ETV5: variants seen among roughly 807,000 people sequenced by gnomAD.
ETV5 encodes the protein ETS translocation variant 5.
In ETV5, 10 loss-of-function variants were observed where a neutral mutation model predicts 70.0. The observed-to-expected ratio is 0.14, with a 90% confidence interval of 0.09 to 0.24. The LOEUF (loss-of-function observed/expected upper bound fraction) is 0.24, where lower values mean the gene tolerates loss of function less well. ETV5 is among the 10% of genes least tolerant of loss of function. The pLI is 1.00. For synonymous variants in ETV5, 216 were observed against 242.2 expected (o/e 0.89, Z 1.01); for missense variants, 453 against 651.2 (o/e 0.70, Z 3.31).
Position 186,057,051 on chromosome 3 carries a change from C to T in ETV5, c.1209+24G>A, listed in dbSNP as rs780734196. 12 of 1,600,774 alleles carry T rather than the reference C, an allele frequency of 7.5e-6. No individual in the cohort carries two copies. The highest frequency in any genetic ancestry group is 1.7e-5 in the Admixed American group (1 of 58,836). ...TCAACAACAACAAATCAAAACCCGT[C>T]TGAGTCCAGCATCCAGTGCATACCT... On this transcript the variant is annotated intron_variant, in intron 11 of 12. Coordinates refer to ENST00000306376, the MANE Select transcript of ETV5 (RefSeq NM_004454.3). The surrounding 1 kb of genome is among the most constrained non-coding windows in gnomAD (Gnocchi z 4.9).
At chr3:186,050,787 C>A (rs1027757115) in intron 12 of ETV5, among the ~76,000 whole-genome samples, 1 of 152,004 alleles carries the variant, frequency 6.6e-6, no homozygotes, top group Non-Finnish European at 1.5e-5. Context: ...GTGGTAGGAA[C>A]AAGTACTGGT....
Position 186,052,473 on chromosome 3 carries a change from G to C in ETV5, c.1210-342C>G, listed in dbSNP as rs1472013987. ...TAGACCATTAACGTGTTGCCATTAA[G>C]TGCTATGGTTTCTGTAGCAGTCAAT... On this transcript the variant is annotated intron_variant, in intron 11 of 12. Transcript: ENST00000306376. This position sits in a 1 kb window ranked among gnomAD's most constrained non-coding sequence, Gnocchi z 4.5. 1.3e-5 allele frequency among the ~76,000 whole-genome samples: 2 copies of C among 152,218 alleles called. No individual in the cohort carries two copies. Among genetic ancestry groups the C allele is most frequent in the Admixed American group, 1.3e-4 (2 of 15,284 alleles).
At chr3:186,106,562 T>C (rs1466814607) in intron 1 of ETV5, among the ~76,000 whole-genome samples, 1 of 152,218 alleles carries the variant, frequency 6.6e-6, no homozygotes, top group East Asian at 1.9e-4. Context: ...AATATCTCCC[T>C]GGTTACTTAC....
intron 7 of ETV5, among the ~76,000 whole-genome samples, chr3:186,071,519 A>C (rs761020504): frequency 1.3e-4 from 20 of 152,306 alleles, no homozygotes; most frequent in Non-Finnish European, 2.4e-4. Flanking sequence ...AAAAATAAGG[A>C]CAGCCAGGAT....
At chr3:186,074,067 C>T (rs1713711385) in intron 7 of ETV5, among the ~76,000 whole-genome samples, 1 of 150,968 alleles carries the variant, frequency 6.6e-6, no homozygotes, top group African/African-American at 2.4e-5. Context: ...ATAAGTAAGG[C>T]CAAAAGTAGA....
intron 5 of ETV5, among the ~76,000 whole-genome samples, chr3:186,101,174 A>G (rs1449161910): frequency 6.6e-6 from 1 of 152,286 alleles, no homozygotes; most frequent in Non-Finnish European, 1.5e-5. Context: ...ATACACAGTT[A>G]CATAGATATA....
intron 8 of ETV5, among the ~76,000 whole-genome samples, chr3:186,064,829 A>G (rs1217339397): frequency 2.0e-5 from 3 of 152,224 alleles, no homozygotes; most frequent in South Asian, 4.1e-4. Context: ...CCTCTTGCCC[A>G]TGCTGACTCC....
In ETV5 at chr3:186,051,122, A is replaced by G. The variant is rs541127383; in HGVS notation, c.1311+908T>C. 4.6e-5 allele frequency among the ~76,000 whole-genome samples: 7 copies of G among 152,364 alleles called. No homozygotes were observed. The East Asian group carries it at 1.3e-3, about 29-fold the overall frequency. On this transcript the variant is annotated intron_variant, in intron 12 of 12. Transcript: ENST00000306376. ...GCCTGTATGACGCACTAGCAAGTCT[A>G]GAGTTTATCCAGAAAATCACAATGA...
At chr3:186,055,980 T>G (rs1308164022) in intron 11 of ETV5, among the ~76,000 whole-genome samples, 1 of 152,320 alleles carries the variant, frequency 6.6e-6, no homozygotes, top group East Asian at 1.9e-4. Flanking sequence ...TATGTCAGTT[T>G]TTTTGGGCAG....
In ETV5 at chr3:186,047,837, A is replaced by T. The variant is rs1174353447; in HGVS notation, c.*802T>A. The T allele has an allele frequency of 4.3e-6, 1 of 233,540 alleles. No homozygotes were observed. The highest frequency in any genetic ancestry group is 8.5e-6 in the Non-Finnish European group (1 of 118,008). 14.5% of individuals were successfully genotyped at this position (233,540 alleles called of 1,614,324 possible). On this transcript the variant is annotated 3_prime_UTR_variant, in exon 13 of 13. Transcript: ENST00000306376. ...TGCTTTAAATACCAAAACTACAAAA[A>T]TCAGTTTATAAACTGTTTTTCCAAA...
intron 5 of ETV5, among the ~76,000 whole-genome samples, chr3:186,091,539 A>G (rs1330469928): frequency 6.6e-6 from 1 of 152,146 alleles, no homozygotes; most frequent in Non-Finnish European, 1.5e-5. Flanking sequence ...CAAATTAGGG[A>G]GTGGTAAAGC....
chr3:186,057,191 G>C lies in ETV5; in HGVS notation c.1093C>G (p.Arg365Gly). 1 of 1,614,154 alleles carries C rather than the reference G, an allele frequency of 6.2e-7. No individual in the cohort carries two copies. Among genetic ancestry groups the C allele is most frequent in the Non-Finnish European group, 8.5e-7 (1 of 1,180,010 alleles). The change falls in exon 11 of 13, where the codon CGA (arginine) becomes GGA (glycine). Residue 365 changes from arginine (R) to glycine (G), a missense_variant. Around this residue, in one of 4 missense-constraint regions of ETV5, gnomAD observed 25 missense variants for 114.3 expected, o/e 0.22. Coordinates refer to ENST00000306376, the MANE Select transcript of ETV5 (RefSeq NM_004454.3). This position sits in a 1 kb window ranked among gnomAD's most constrained non-coding sequence, Gnocchi z 4.9. ...AACTGCCACAGCTGAAGGGAACCTC[G>C]CCTCTGGTAAGGGGGCCCCTCTCGA... Reference protein sequence around the residue: ...MYREGPPYQRRGSLQLWQFLV... With the variant: ...MYREGPPYQRGGSLQLWQFLV...
At position 186,069,495 on chromosome 3, in the gene ETV5, G is replaced by A. The variant is rs551720488; in HGVS notation, c.651-3423C>T. On this transcript the variant is annotated intron_variant, in intron 7 of 12. Transcript: ENST00000306376. Reference sequence around the variant, plus strand: ...GGGAATTCTTTCAGAAAAGAGAGACGAAGTTGTTTTTTTTTTTTTTTTTTT... The same window carrying A: ...GGGAATTCTTTCAGAAAAGAGAGACAAAGTTGTTTTTTTTTTTTTTTTTTT... Among the ~76,000 whole-genome samples, 29 of 147,160 alleles carry A rather than the reference G, an allele frequency of 2.0e-4. No individual in the cohort carries two copies. The East Asian group carries it at 5.0e-3, about 26-fold the overall frequency.
In ETV5 at chr3:186,105,511, G is replaced by C. The variant is rs772853823; in HGVS notation, c.134-15C>G. The stretch of plus-strand genomic sequence containing the variant: ...CTGAAATAGCTCTGAAATTGAAAAA[G>C]AAGACCCCAGAATGAGGATATTTCT... On this transcript the variant is annotated splice_polypyrimidine_tract_variant and intron_variant, in intron 3 of 12. Transcript: ENST00000306376. The surrounding 1 kb of genome is among the most constrained non-coding windows in gnomAD (Gnocchi z 4.5). 42 of 1,613,966 alleles carry C rather than the reference G, an allele frequency of 2.6e-5. No individual in the cohort carries two copies. In the Admixed American group the frequency reaches 6.8e-4, roughly 26 times the overall value.
rs142135855 is a variant in ETV5 at position 186,062,389 on chromosome 3, G to A, written c.970+2028C>T. 5.2e-4 allele frequency among the ~76,000 whole-genome samples: 79 copies of A among 152,324 alleles called. 1 individual carries two copies. In the Middle Eastern group the frequency reaches 0.014, roughly 26 times the overall value. ...AGAAACATCTATCCCTTGGGAGGCC[G>A]AGGCGGGCAGATCACGAGGTCAAGA... On this transcript the variant is annotated intron_variant, in intron 9 of 12. Coordinates refer to ENST00000306376, the MANE Select transcript of ETV5 (RefSeq NM_004454.3).
At chr3:186,097,745 G>A (rs1714338619) in intron 5 of ETV5, among the ~76,000 whole-genome samples, 1 of 152,214 alleles carries the variant, frequency 6.6e-6, no homozygotes, top group African/African-American at 2.4e-5. Flanking sequence ...ATTAAGCCCA[G>A]GCTTGGAGAA....
chr3:186,105,778 T>A lies in ETV5; in HGVS notation c.45+46A>T. 1 of 1,610,894 alleles carries A rather than the reference T, an allele frequency of 6.2e-7. No individual in the cohort carries two copies. Among genetic ancestry groups the A allele is most frequent in the South Asian group, 1.1e-5 (1 of 90,996 alleles). On this transcript the variant is annotated intron_variant, in intron 2 of 12. Coordinates refer to ENST00000306376, the MANE Select transcript of ETV5 (RefSeq NM_004454.3). The surrounding 1 kb of genome is among the most constrained non-coding windows in gnomAD (Gnocchi z 4.5). ...AAGAGGTCCACAGGGGGAAGACTCA[T>A]ATTGGAGAGGGAGGACAAAACAAAC...
chr3:186,078,320 A>G, intron 7 of ETV5: 1 of 434,054 alleles, frequency 2.3e-6, no homozygotes, highest in Non-Finnish European at 3.3e-6. Flanking sequence ...CAAATACTGA[A>G]TATATACTCG....
chr3:186,066,828 T>C (rs1357167208), intron 7 of ETV5, among the ~76,000 whole-genome samples: 2 of 152,272 alleles, frequency 1.3e-5, no homozygotes, highest in African/African-American at 4.8e-5. Context: ...ATACAACAAA[T>C]TGAGAGATTG....
Sources: allele counts gnomAD v4.1 joint callset (sites outside exome capture counted in the v4.1 genomes callset), GRCh38; gene constraint gnomAD v4.1.1; regional missense constraint gnomAD v4.1.1; non-coding constraint Gnocchi (gnomAD v3.1); transcripts MANE v1.5; gene names NCBI Gene and HGNC (gene_info 2026-07-23, HGNC 2026-07-21).